DHRSX: variants seen among roughly 807,000 people sequenced by gnomAD.
The protein encoded by DHRSX is polyprenol dehydrogenase.
A neutral mutation model predicts 34.0 loss-of-function variants in DHRSX; 31 were observed. The observed-to-expected ratio is 0.91, with a 90% CI of 0.69 to 1.23. The LOEUF is 1.23. Ranked by LOEUF, DHRSX falls within the 50% of genes most tolerant of loss-of-function variation. DHRSX has a pLI of 0.00. For synonymous variants in DHRSX, 201 were observed against 183.8 expected (o/e 1.09, Z -0.76); for missense variants, 414 against 428.1 (o/e 0.97, Z 0.29).
At chrX:2,306,763 G>A (rs1445999641) in intron 3 of DHRSX, among the ~76,000 whole-genome samples, 2 of 151,960 alleles carry the variant, frequency 1.3e-5, no homozygotes, top group African/African-American at 2.4e-5. Flanking sequence ...TATTTTTGTC[G>A]TGTCCTTGTC....
Position 2,408,697 on chromosome X carries a change from C to A in DHRSX, c.286+48G>T, listed in dbSNP as rs762738587. ...CATGAACCACGCAAACGACCTGTCC[C>A]AAGGAAAAAAAAAAACAAAAAAAAG... On this transcript the variant is annotated intron_variant, in intron 3 of 6. Coordinates refer to ENST00000334651, the MANE Select transcript of DHRSX (RefSeq NM_145177.3). The A allele has an allele frequency of 1.3e-5, 19 of 1,495,412 alleles. No individual in the cohort carries two copies. In the African/African-American group the frequency reaches 2.3e-4, roughly 18 times the overall value. 92.6% of individuals were successfully genotyped at this position (1,495,412 alleles called of 1,614,324 possible).
intron 1 of DHRSX, chrX:2,489,018 C>T (rs1357342264): frequency 1.2e-6 from 2 of 1,612,170 alleles, no homozygotes; most frequent in Non-Finnish European, 1.7e-6. Flanking sequence ...TCCTCCACCA[C>T]CTGGGCATGC....
At chrX:2,353,755 GT>G (rs60499171) in intron 3 of DHRSX, among the ~76,000 whole-genome samples, 82,130 of 150,540 alleles carry the variant, frequency 0.55, 23,052 homozygotes, top group African/African-American at 0.6. Flanking sequence ...AGCTAATTTT[GT>G]TTTTTTTTAG....
chrX:2,221,426 C>T (rs2015517329), intron 6 of DHRSX, among the ~76,000 whole-genome samples, 197 bp from the exon 7 acceptor site: 1 of 152,146 alleles, frequency 6.6e-6, no homozygotes, highest in Non-Finnish European at 1.5e-5. Flanking sequence ...ACAACAGGCA[C>T]TGACAATAAC....
At position 2,435,731 on chromosome X, in the gene DHRSX, C is replaced by T. The variant is rs142664607; in HGVS notation, c.110-10427G>A. Among the ~76,000 whole-genome samples, 103 of 152,290 alleles carry T rather than the reference C, an allele frequency of 6.8e-4. 2 individuals carry two copies. The East Asian group carries it at 0.018, about 27-fold the overall frequency. ...AGTGAGCTATGATTGCATTACTGCA[C>T]TCCAGCCTGGGCAACAGAGCAAGAT... On this transcript the variant is annotated intron_variant, in intron 1 of 6. Coordinates refer to ENST00000334651, the MANE Select transcript of DHRSX (RefSeq NM_145177.3).
chrX:2,380,681 T>C (rs2043192551), intron 3 of DHRSX, among the ~76,000 whole-genome samples: 1 of 152,136 alleles, frequency 6.6e-6, no homozygotes, highest in African/African-American at 2.4e-5. Flanking sequence ...TCACGAGGTC[T>C]GACAGTTTAG....
intron 3 of DHRSX, among the ~76,000 whole-genome samples, chrX:2,310,561 T>TGA (rs780086507): frequency 8.3e-4 from 120 of 144,404 alleles, no homozygotes; most frequent in Admixed American, 1.5e-3. Flanking sequence ...TGTGTGTGTG[T>TGA]GAGAGAGAGA....
chrX:2,334,630 A>T (rs1241576206), intron 3 of DHRSX: 1 of 152,024 alleles, frequency 6.6e-6, no homozygotes, highest in East Asian at 1.9e-4. Context: ...TTTTTGAAAA[A>T]TTTTTGTAGA....
chrX:2,380,062 C>T (rs1316407411), intron 3 of DHRSX, among the ~76,000 whole-genome samples: 1 of 151,832 alleles, frequency 6.6e-6, no homozygotes, highest in Non-Finnish European at 1.5e-5. Context: ...TTCGGGAGGC[C>T]GAGGCGGGCA....
At position 2,266,736 on chromosome X, in the gene DHRSX, C is replaced by T; in HGVS notation, c.596+4G>A. On this transcript the variant is annotated splice_donor_region_variant and intron_variant, in intron 5 of 6. Coordinates refer to ENST00000334651, the MANE Select transcript of DHRSX (RefSeq NM_145177.3). ...TGTTATGATTATTCACAGGGTGCAC[C>T]TACCTGCTCTGAAGGTCATCCATGT... 1 of 1,613,860 alleles carries T rather than the reference C, an allele frequency of 6.2e-7. No homozygotes were observed. The highest frequency in any genetic ancestry group is 8.5e-7 in the Non-Finnish European group (1 of 1,179,796).
intron 4 of DHRSX, among the ~76,000 whole-genome samples, chrX:2,276,452 C>T (rs1037857744): frequency 5.9e-5 from 9 of 152,136 alleles, no homozygotes; most frequent in African/African-American, 1.9e-4. Context: ...AACTATCGTC[C>T]ATCGATCTGC....
chrX:2,252,856 G>A (rs2016463998), intron 5 of DHRSX, among the ~76,000 whole-genome samples: 1 of 152,160 alleles, frequency 6.6e-6, no homozygotes, highest in Admixed American at 6.6e-5. Flanking sequence ...GCCCATTAAG[G>A]TCTGTAAATG....
chrX:2,224,985 T>TTCACATGCACACACACATGC (rs2015614234), intron 6 of DHRSX, among the ~76,000 whole-genome samples: 1 of 137,998 alleles, frequency 7.2e-6, no homozygotes, highest in Non-Finnish European at 1.5e-5. Flanking sequence ...TGCACACTAA[T>TTCACATGCACACACACATGC]TCACATGCAC....
At chrX:2,307,387 C>G (rs2042111189) in intron 3 of DHRSX, among the ~76,000 whole-genome samples, 1 of 151,710 alleles carries the variant, frequency 6.6e-6, no homozygotes, top group African/African-American at 2.4e-5. Flanking sequence ...GTGACAGGTT[C>G]AACTGAAGCG....
chrX:2,285,728 A>G (rs2041797158), intron 4 of DHRSX, among the ~76,000 whole-genome samples: 1 of 152,166 alleles, frequency 6.6e-6, no homozygotes, highest in Admixed American at 6.5e-5. Context: ...GGCTGCCTAT[A>G]AATAGAAACT....
chrX:2,401,303 G>A (rs1318188032), intron 3 of DHRSX, among the ~76,000 whole-genome samples: 1 of 152,100 alleles, frequency 6.6e-6, no homozygotes, highest in Non-Finnish European at 1.5e-5. Flanking sequence ...TAGAGATGGG[G>A]TTTCACCGTG....
intron 1 of DHRSX, among the ~76,000 whole-genome samples, chrX:2,426,154 G>A (rs890056418): frequency 4.6e-5 from 7 of 152,062 alleles, no homozygotes; most frequent in Admixed American, 3.3e-4. Flanking sequence ...GGGTCTCTAG[G>A]GTTGACAAGG....
intron 5 of DHRSX, among the ~76,000 whole-genome samples, chrX:2,257,892 G>T (rs1187245025): frequency 4.6e-5 from 7 of 152,172 alleles, no homozygotes; most frequent in African/African-American, 1.4e-4. Context: ...CTCCCAAAGT[G>T]CTGGGATTAC....
intron 3 of DHRSX, among the ~76,000 whole-genome samples, chrX:2,323,327 C>G (rs181381018): frequency 0.032 from 4,832 of 152,216 alleles, 213 homozygotes; most frequent in African/African-American, 0.095. Flanking sequence ...AAAACTCCTA[C>G]GGGATGCTAC....
Sources: gnomAD v4.1 joint callset for allele counts (sites outside exome capture counted in the v4.1 genomes callset) on GRCh38, gnomAD v4.1.1 for gene constraint, MANE v1.5 for transcripts, NCBI Gene and HGNC (gene_info 2026-07-23, HGNC 2026-07-21) for gene names.